FCN2: variants seen among roughly 807,000 people sequenced by gnomAD.
FCN2 encodes the protein ficolin 2.
A neutral mutation model predicts 32.5 loss-of-function variants in FCN2; 31 were observed. That is an observed-to-expected ratio of 0.96 (90% CI 0.72 to 1.29). The LOEUF (loss-of-function observed/expected upper bound fraction) is 1.29, where lower values mean the gene tolerates loss of function less well. FCN2 is among the 50% of genes most tolerant of loss of function. The pLI is 0.00. For missense variants in FCN2, 412 were observed against 406.5 expected (o/e 1.01, Z -0.12); for synonymous variants, 181 against 164.5 (o/e 1.10, Z -0.77).
At chr9:134,885,955 C>A (rs1436546638) in intron 6 of FCN2, 58 bp downstream of exon 6, 18 of 1,544,872 alleles carry the variant, frequency 1.2e-5, no homozygotes, top group Non-Finnish European at 1.5e-5. Flanking sequence ...GCCCCTGCCT[C>A]TTGGGCCTGG....
the FCN2 span, among the ~76,000 whole-genome samples, chr9:134,869,152 G>A: frequency 6.6e-5 from 10 of 152,208 alleles, no homozygotes; most frequent in African/African-American, 9.7e-5. Flanking sequence ...CCCCCGTGCC[G>A]GGGCTTCCTG....
rs761871732 is a variant in FCN2 at position 134,886,582 on chromosome 9, G to A, written c.694+18G>A. 1.7e-5 allele frequency: 27 copies of A among 1,613,352 alleles called. No individual in the cohort carries two copies. The Admixed American group carries it at 4.3e-4, about 26-fold the overall frequency. On this transcript the variant is annotated intron_variant, in intron 7 of 7. Transcript: ENST00000291744. The stretch of plus-strand genomic sequence containing the variant: ...CAGTGCGGGTGAGTGTCTGCTTGGG[G>A]CTGTGTGGCCTGGGCTTCTGAGGGG...
chr9:134,887,080 A>G, intron 7 of FCN2, 88 bp from the exon 8 acceptor site: 11 of 1,491,644 alleles, frequency 7.4e-6, no homozygotes, highest in Non-Finnish European at 1.0e-5. Flanking sequence ...CATGGAGGAC[A>G]CACCAGGCCA....
At chr9:134,886,404 G>A (rs775309959) in intron 6 of FCN2, 26 bp from the exon 7 acceptor site, 21 of 1,614,056 alleles carry the variant, frequency 1.3e-5, no homozygotes, top group Non-Finnish European at 1.8e-5. Flanking sequence ...CCCTTCCGCT[G>A]AGACCCTGAA....
At position 134,882,533 on chromosome 9, in the gene FCN2, G is replaced by C; in HGVS notation, c.108G>C (p.Lys36Asn). ...ACCTGTGTTTTTCTGCAGAGGTGAAGATGGTGGGCCTGGAGGGCTCTGACA... is the reference window on the plus strand; with the variant it reads ...ACCTGTGTTTTTCTGCAGAGGTGAACATGGTGGGCCTGGAGGGCTCTGACA... ...LQAADTCPEV[K>N]MVGLEGSDKL... The change falls in exon 2 of 8, where the codon AAG (lysine) becomes AAC (asparagine). Residue 36 changes from lysine to asparagine, a missense_variant. Transcript: ENST00000291744. The C allele has an allele frequency of 3.7e-6, 6 of 1,614,114 alleles. No homozygotes were observed. The highest frequency in any genetic ancestry group is 5.1e-6 in the Non-Finnish European group (6 of 1,179,992).
rs746397620 is a variant in FCN2 at position 134,883,291 on chromosome 9, G to A, written c.215-11G>A. 1.1e-5 allele frequency: 18 copies of A among 1,610,274 alleles called. No individual in the cohort carries two copies. The highest frequency in any genetic ancestry group is 1.4e-5 in the Non-Finnish European group (17 of 1,176,722). ...CAGTTTTCCTCAAGTCAGTGTCTTT[G>A]GAAATTGCAGGAGAACGTGGCCCCC... On this transcript the variant is annotated splice_polypyrimidine_tract_variant and intron_variant, in intron 2 of 7. Coordinates refer to ENST00000291744, the MANE Select transcript of FCN2 (RefSeq NM_004108.3).
intron 5 of FCN2, 27 bp from the exon 6 acceptor site, chr9:134,885,741 G>A (rs758855049): frequency 9.9e-6 from 16 of 1,613,738 alleles, no homozygotes; most frequent in Middle Eastern, 1.7e-4. Flanking sequence ...TGGCCCCCCC[G>A]GCTCCTGTCC....
At chr9:134,865,494 G>GGT in the FCN2 span, among the ~76,000 whole-genome samples, 1 of 152,140 alleles carries the variant, frequency 6.6e-6, no homozygotes, top group African/African-American at 2.4e-5. Flanking sequence ...TTATGTTATG[G>GGT]GTGAGTTAAC....
At chr9:134,867,384 A>T in the FCN2 span, among the ~76,000 whole-genome samples, 2 of 151,062 alleles carry the variant, frequency 1.3e-5, no homozygotes, top group Non-Finnish European at 2.9e-5. Context: ...GTAAACTATC[A>T]CAAGAACAAA....
intron 6 of FCN2, 147 bp downstream of exon 6, chr9:134,886,044 A>G (rs1830749776): frequency 4.8e-6 from 4 of 838,010 alleles, no homozygotes; most frequent in South Asian, 3.5e-5. Flanking sequence ...GGGACCTCCG[A>G]GGGCTTCGTC....
At chr9:134,879,569 G>A (rs77570339), upstream of FCN2, among the ~76,000 whole-genome samples, 1,186 of 152,200 alleles carry the variant, frequency 7.8e-3, 7 homozygotes, top group South Asian at 0.017. Context: ...GCATCTCCAT[G>A]GAGCCTGTGT....
In FCN2 at chr9:134,885,822, T is replaced by C. The variant is rs566960577; in HGVS notation, c.484T>C (p.Tyr162His). ...SVDFYRDWAT[Y>H]KQGFGSRLGE... Reference sequence around the variant, plus strand: ...GGACTTCTACCGGGACTGGGCCACGTACAAGCAGGGCTTCGGCAGTCGGCT... The same window carrying C: ...GGACTTCTACCGGGACTGGGCCACGCACAAGCAGGGCTTCGGCAGTCGGCT... Residue 162 changes from tyrosine (Y) to histidine (H), a missense_variant, in exon 6 of 8, where the codon TAC (tyrosine) becomes CAC (histidine). By Grantham distance (83) the Tyr-to-His change is moderately conservative. Coordinates refer to ENST00000291744, the MANE Select transcript of FCN2 (RefSeq NM_004108.3). 7.4e-6 allele frequency: 12 copies of C among 1,613,820 alleles called. No individual in the cohort carries two copies. The East Asian group carries it at 1.1e-4, about 15-fold the overall frequency.
At chr9:134,865,914 A>G in the FCN2 span, among the ~76,000 whole-genome samples, 14,420 of 151,786 alleles carry the variant, frequency 0.095, 902 homozygotes, top group African/African-American at 0.17. Flanking sequence ...TAAAATACCT[A>G]GGAATCCAAC....
chr9:134,885,352 G>A lies in FCN2; in HGVS notation c.415G>A (p.Gly139Arg), dbSNP rs199879528. Residue 139 changes from glycine to arginine, a missense_variant, in exon 5 of 8, where the codon GGA becomes AGA. By Grantham distance (125) the Gly-to-Arg change is moderately radical. Coordinates refer to ENST00000291744, the MANE Select transcript of FCN2 (RefSeq NM_004108.3). ...LTVLCDMDTD[G>R]GGWTVFQRRV... is the part of the protein sequence containing the mutation. ...TGTGCTCTGTGACATGGACACGGAC[G>A]GAGGGGGCTGGACCGTGAGTGTGGG... 1.2e-4 allele frequency: 201 copies of A among 1,613,720 alleles called. No individual in the cohort carries two copies. The highest frequency in any genetic ancestry group is 6.2e-4 in the Admixed American group (37 of 59,964).
In FCN2 at chr9:134,886,569, G is replaced by A; in HGVS notation, c.694+5G>A. 2 of 1,614,072 alleles carry A rather than the reference G, an allele frequency of 1.2e-6. No homozygotes were observed. Among genetic ancestry groups the A allele is most frequent in the Non-Finnish European group, 1.7e-6 (2 of 1,179,950 alleles). The stretch of plus-strand genomic sequence containing the variant: ...CCTTCGTGGAGGGCAGTGCGGGTGA[G>A]TGTCTGCTTGGGGCTGTGTGGCCTG... On this transcript the variant is annotated splice_donor_5th_base_variant and intron_variant, in intron 7 of 7. Transcript: ENST00000291744.
At chr9:134,870,010 A>T in the FCN2 span, among the ~76,000 whole-genome samples, 1 of 152,144 alleles carries the variant, frequency 6.6e-6, no homozygotes, top group East Asian at 1.9e-4. This position sits in a 1 kb window ranked among gnomAD's most constrained non-coding sequence, Gnocchi z 4.3. Context: ...CAGGCCTGAG[A>T]GGATGAATCG....
chr9:134,882,491 G>A, intron 1 of FCN2, 35 bp from the exon 2 acceptor site: 1 of 1,555,128 alleles, frequency 6.4e-7, no homozygotes, highest in South Asian at 1.1e-5. Context: ...TTCAGGCCCA[G>A]GTGACACTGA....
At chr9:134,873,044 C>A in the FCN2 span, among the ~76,000 whole-genome samples, 1 of 152,014 alleles carries the variant, frequency 6.6e-6, no homozygotes, top group Non-Finnish European at 1.5e-5. Flanking sequence ...AGCATCTTTT[C>A]ATGGGCTTAT....
chr9:134,887,248 G>A lies in FCN2; in HGVS notation c.775G>A (p.Val259Met). 3.1e-6 allele frequency: 5 copies of A among 1,614,236 alleles called. No individual in the cohort carries two copies. The highest frequency in any genetic ancestry group is 4.2e-6 in the Non-Finnish European group (5 of 1,180,042). The part of the protein sequence containing the change: ...DNDLNTGNCA[V>M]MFQGAWWYKN... ...TGATCTTAACACCGGAAATTGTGCTGTGATGTTTCAGGGAGCTTGGTGGTA... is the reference window on the plus strand; with the variant it reads ...TGATCTTAACACCGGAAATTGTGCTATGATGTTTCAGGGAGCTTGGTGGTA... Residue 259 changes from valine to methionine, a missense_variant, in exon 8 of 8, where the codon GTG becomes ATG. Physicochemically the swap from Val to Met is conservative, Grantham distance 21. Transcript: ENST00000291744.
Sources: allele counts gnomAD v4.1 joint callset (sites outside exome capture counted in the v4.1 genomes callset), GRCh38; gene constraint gnomAD v4.1.1; non-coding constraint Gnocchi (gnomAD v3.1); transcripts MANE v1.5; gene names NCBI Gene and HGNC (gene_info 2026-07-23, HGNC 2026-07-21).